The following CACNA2D3 variants were observed in gnomAD, a reference collection of about 807,000 sequenced individuals.
The protein encoded by CACNA2D3 is voltage-dependent calcium channel subunit alpha-2/delta-3.
Under a neutral mutation model 160.6 loss-of-function variants are expected in CACNA2D3, and 60 were observed. The observed-to-expected ratio is 0.37, with a 90% confidence interval of 0.30 to 0.46. The LOEUF is 0.46. CACNA2D3 is among the 20% of genes least tolerant of loss of function. The probability of loss-of-function intolerance (pLI) is 1.00; values close to 1 mark genes in which losing one functional copy is unlikely to be tolerated. For synonymous variants in CACNA2D3, 558 were observed against 492.9 expected (o/e 1.13, Z -1.75); for missense variants, 1,205 against 1,365.0 (o/e 0.88, Z 1.85).
chr3:54,245,952 A>G (rs572001848), intron 2 of CACNA2D3, among the ~76,000 whole-genome samples: 7 of 152,220 alleles, frequency 4.6e-5, no homozygotes, highest in Non-Finnish European at 7.3e-5. Context: ...AGGCCTCCCT[A>G]GGTGATGGGA....
At chr3:54,680,985 C>T (rs1700335301) in intron 11 of CACNA2D3, among the ~76,000 whole-genome samples, 1 of 152,032 alleles carries the variant, frequency 6.6e-6, no homozygotes, top group Non-Finnish European at 1.5e-5. Flanking sequence ...AATGTTGATT[C>T]TAAGTGTGAG....
rs1553729974 is a variant in CACNA2D3 at position 54,569,800 on chromosome 3, A to T, written c.682A>T (p.Lys228Ter). The T allele has an allele frequency of 6.3e-7, 1 of 1,598,736 alleles. No individual in the cohort carries two copies. The highest frequency in any genetic ancestry group is 8.5e-7 in the Non-Finnish European group (1 of 1,171,770). ...TAACCCCATTTTTCTTCTAGGGATT[A>T]AATGGGAACCAGATGAGAATGGAGT... ...KGFFRQYPGI[K>*]WEPDENGVIA... The change falls in exon 7 of 38, where the codon AAA becomes TAA. Residue 228 changes from lysine to a stop codon, truncating the protein, a stop_gained. Transcript: ENST00000474759. LOFTEE classifies it high-confidence loss of function.
intron 27 of CACNA2D3, chr3:54,918,728 G>T: frequency 1.2e-6 from 2 of 1,614,120 alleles, no homozygotes; most frequent in South Asian, 1.1e-5. Context: ...TTCTCAGGAG[G>T]CCTCAGGACC....
chr3:55,004,967 C>G, intron 32 of CACNA2D3, 129 bp downstream of exon 32: 1 of 579,168 alleles, frequency 1.7e-6, no homozygotes, highest in Non-Finnish European at 2.9e-6. Flanking sequence ...TGACTTTACT[C>G]ACTTAAAAAA....
At position 54,969,852 on chromosome 3, in the gene CACNA2D3, G is replaced by A. The variant is rs781404476; in HGVS notation, c.2556+8G>A. The A allele has an allele frequency of 7.4e-6, 12 of 1,612,564 alleles. No individual in the cohort carries two copies. Among genetic ancestry groups the A allele is most frequent in the Middle Eastern group, 1.7e-4 (1 of 6,056 alleles). ...ATCAGCTGTGATGATGAGGTAAGAC[G>A]GCCTCCTGGTCCTGTTTCTACCCCT... On this transcript the variant is annotated splice_region_variant and intron_variant, in intron 29 of 37. Transcript: ENST00000474759.
At chr3:55,065,120 T>C (rs1443835388) in intron 35 of CACNA2D3, among the ~76,000 whole-genome samples, 3 of 152,214 alleles carry the variant, frequency 2.0e-5, no homozygotes, top group Non-Finnish European at 4.4e-5. Flanking sequence ...GGGTGCCTAC[T>C]TCTGTTCTTT....
At chr3:54,562,764 C>G (rs1702347566) in intron 5 of CACNA2D3, 36 bp from the exon 6 acceptor site, 2 of 1,591,134 alleles carry the variant, frequency 1.3e-6, no homozygotes, top group African/African-American at 1.3e-5. Flanking sequence ...ACTTTGGTTT[C>G]TAATACACCC....
chr3:54,412,607 G>GTTGTTTTTTTT (rs1342144952), intron 4 of CACNA2D3, among the ~76,000 whole-genome samples: 2 of 40,430 alleles, frequency 4.9e-5, no homozygotes, highest in African/African-American at 1.5e-4. Context: ...TTCTGGTCTT[G>GTTGTTTTTTTT]TTCTTTTTTT....
intron 13 of CACNA2D3, among the ~76,000 whole-genome samples, chr3:54,800,296 A>G (rs1702955880): frequency 6.6e-6 from 1 of 152,234 alleles, no homozygotes; most frequent in South Asian, 2.1e-4. Context: ...CAAGCAGGAA[A>G]TACAAATGCA....
chr3:54,736,122 T>TATAC lies in CACNA2D3; in HGVS notation c.1168-16474_1168-16473insCATA, dbSNP rs1553814572. ...ATACATATATATGTATATATATACA[T>TATAC]ATATATATGTATATATATACACACA... is the stretch of plus-strand genomic sequence containing the variant. On this transcript the variant is annotated intron_variant, in intron 11 of 37. Coordinates refer to ENST00000474759, the MANE Select transcript of CACNA2D3 (RefSeq NM_018398.3). 3.1e-5 allele frequency among the ~76,000 whole-genome samples: 2 copies of TATAC among 64,792 alleles called. 1 individual carries two copies. The highest frequency in any genetic ancestry group is 5.7e-4 in the East Asian group (2 of 3,502). The allele number at this position is 64,792 out of a possible 152,430, so 42.5% of individuals were successfully genotyped here.
intron 9 of CACNA2D3, among the ~76,000 whole-genome samples, chr3:54,582,597 C>CA (rs1702696475): frequency 6.6e-6 from 1 of 152,218 alleles, no homozygotes; most frequent in Non-Finnish European, 1.5e-5. Flanking sequence ...GCTGTGGCTG[C>CA]AGCCATGTCA....
At chr3:55,050,345 T>G (rs1297996919) in intron 35 of CACNA2D3, among the ~76,000 whole-genome samples, 1 of 152,096 alleles carries the variant, frequency 6.6e-6, no homozygotes, top group Non-Finnish European at 1.5e-5. Context: ...AAGTATTTTA[T>G]TTCTCCTTCA....
chr3:54,180,475 C>CA (rs1037531020), intron 2 of CACNA2D3, among the ~76,000 whole-genome samples: 1 of 152,190 alleles, frequency 6.6e-6, no homozygotes, highest in Non-Finnish European at 1.5e-5. Flanking sequence ...GATGTCAGCC[C>CA]AGCTCCCATA....
At chr3:55,033,100 GAGA>G (rs982343729) in intron 35 of CACNA2D3, among the ~76,000 whole-genome samples, 2 of 152,112 alleles carry the variant, frequency 1.3e-5, no homozygotes, top group African/African-American at 4.8e-5. Flanking sequence ...CTTAGGAAAA[GAGA>G]AGGTGGTCCA....
intron 3 of CACNA2D3, among the ~76,000 whole-genome samples, chr3:54,374,909 G>C (rs1473349): frequency 0.06 from 9,134 of 152,040 alleles, 338 homozygotes; most frequent in Middle Eastern, 0.11. Context: ...ATAATATTTG[G>C]TCTCCAGCCT....
At chr3:54,596,576 C>A (rs1024356541) in intron 9 of CACNA2D3, among the ~76,000 whole-genome samples, 2 of 152,014 alleles carry the variant, frequency 1.3e-5, no homozygotes, top group Non-Finnish European at 2.9e-5. Flanking sequence ...GATCATTAGG[C>A]CCCCTCGTCA....
intron 2 of CACNA2D3, among the ~76,000 whole-genome samples, chr3:54,249,644 C>T (rs1166897629): frequency 3.3e-5 from 4 of 120,230 alleles, no homozygotes; most frequent in African/African-American, 1.0e-4. Context: ...TTCCTTAGAA[C>T]AAATCTCTCT....
At chr3:54,890,835 G>A (rs1559618956) in intron 24 of CACNA2D3, among the ~76,000 whole-genome samples, 1 of 152,200 alleles carries the variant, frequency 6.6e-6, no homozygotes, top group South Asian at 2.1e-4. Context: ...CTGTGTGGAT[G>A]TCAAAACCAA....
In CACNA2D3 at chr3:54,427,929, A is replaced by C. The variant is rs147303838; in HGVS notation, c.381+41155A>C. Reference sequence around the variant, plus strand: ...TTTGCGGGCTTTTAAGAGATTCTGCAGGGAAGTTAAGAGCCCTCAACATGA... The same window carrying C: ...TTTGCGGGCTTTTAAGAGATTCTGCCGGGAAGTTAAGAGCCCTCAACATGA... On this transcript the variant is annotated intron_variant, in intron 4 of 37. Coordinates refer to ENST00000474759, the MANE Select transcript of CACNA2D3 (RefSeq NM_018398.3). Among the ~76,000 whole-genome samples the C allele has an allele frequency of 3.6e-3, 546 of 152,330 alleles. 5 individuals carry two copies. Among genetic ancestry groups the C allele is most frequent in the African/African-American group, 0.012 (513 of 41,566 alleles).
Sources: gnomAD v4.1 joint callset for allele counts (sites outside exome capture counted in the v4.1 genomes callset) on GRCh38, gnomAD v4.1.1 for gene constraint, MANE v1.5 for transcripts, NCBI Gene and HGNC (gene_info 2026-07-23, HGNC 2026-07-21) for gene names.